Variants in DOK5 observed in about 807,000 individuals in gnomAD.
DOK5 encodes the protein downstream of tyrosine kinase 5.
DOK5 carries 27 observed loss-of-function variants against 43.3 expected under a neutral mutation model. The observed-to-expected ratio is 0.62, with a 90% CI of 0.46 to 0.86. DOK5 has a LOEUF of 0.86. Ranked by LOEUF, DOK5 falls within the 40% of genes least tolerant of loss-of-function variation. The pLI is 0.00. For missense variants in DOK5, 373 were observed against 392.9 expected, an observed-to-expected ratio of 0.95 and a Z score of 0.43; for synonymous variants, 146 against 140.1, an observed-to-expected ratio of 1.04 and a Z score of -0.30.
chr20:54,510,943 T>C (rs925771109), intron 1 of DOK5, among the ~76,000 whole-genome samples: 1 of 152,050 alleles, frequency 6.6e-6, no homozygotes, highest in Non-Finnish European at 1.5e-5. Context: ...CAACACAGAG[T>C]AGCATTTGCA....
intron 1 of DOK5, among the ~76,000 whole-genome samples, chr20:54,498,080 T>A (rs947465887): frequency 6.6e-6 from 1 of 152,324 alleles, no homozygotes. Flanking sequence ...ATTTTTCTCT[T>A]ATGTATCTTT....
At chr20:54,520,860 C>T (rs1983368439) in intron 1 of DOK5, among the ~76,000 whole-genome samples, 1 of 138,230 alleles carries the variant, frequency 7.2e-6, no homozygotes, top group Non-Finnish European at 1.7e-5. Flanking sequence ...CAGAGTCCTT[C>T]ATGGCCTCTG....
intron 2 of DOK5, among the ~76,000 whole-genome samples, chr20:54,575,823 A>C (rs553273682): frequency 1.5e-3 from 221 of 152,362 alleles, no homozygotes; most frequent in African/African-American, 5.1e-3. Flanking sequence ...CACGTGTGTG[A>C]ACATGCACAT....
intron 5 of DOK5, among the ~76,000 whole-genome samples, chr20:54,607,224 T>G (rs2870331): frequency 0.39 from 59,138 of 152,070 alleles, 15,606 homozygotes; most frequent in African/African-American, 0.75. Context: ...CCACATAGAC[T>G]CCTGTCTAGG....
At chr20:54,565,261 T>C (rs1375635135) in intron 2 of DOK5, among the ~76,000 whole-genome samples, 1 of 152,112 alleles carries the variant, frequency 6.6e-6, no homozygotes, top group Non-Finnish European at 1.5e-5. Flanking sequence ...CAATAAGAGA[T>C]TGACAATAAC....
chr20:54,537,162 T>C (rs1367243392), intron 1 of DOK5, among the ~76,000 whole-genome samples: 1 of 152,152 alleles, frequency 6.6e-6, no homozygotes, highest in Non-Finnish European at 1.5e-5. Context: ...CCGTCAAGTA[T>C]CAAGTATGAT....
At chr20:54,567,983 C>T (rs528240100) in intron 2 of DOK5, among the ~76,000 whole-genome samples, 1 of 152,102 alleles carries the variant, frequency 6.6e-6, no homozygotes, top group East Asian at 1.9e-4. Context: ...ATAAGCCAGT[C>T]ATTTTTGGCC....
chr20:54,531,667 A>G (rs150843249), intron 1 of DOK5, among the ~76,000 whole-genome samples: 1 of 152,350 alleles, frequency 6.6e-6, no homozygotes, highest in East Asian at 1.9e-4. Context: ...TATCCTTTGA[A>G]AAAGCAATCC....
At chr20:54,482,242 A>C (rs545519073) in intron 1 of DOK5, among the ~76,000 whole-genome samples, 1 of 152,284 alleles carries the variant, frequency 6.6e-6, no homozygotes, top group Admixed American at 6.5e-5. Context: ...TATTTTTGTT[A>C]ACTTGGGGAC....
chr20:54,478,103 T>C (rs540988015), intron 1 of DOK5, among the ~76,000 whole-genome samples: 1 of 152,364 alleles, frequency 6.6e-6, no homozygotes, highest in South Asian at 2.1e-4. Flanking sequence ...ATTATGGTTA[T>C]TGCTCATGGA....
At chr20:54,587,978 G>A (rs897585851) in intron 2 of DOK5, among the ~76,000 whole-genome samples, 8 of 152,180 alleles carry the variant, frequency 5.3e-5, no homozygotes, top group African/African-American at 1.9e-4. Context: ...GACTGGTAAA[G>A]AGTGAAATAA....
At chr20:54,640,352 A>G (rs1270909318) in intron 6 of DOK5, among the ~76,000 whole-genome samples, 2 of 152,224 alleles carry the variant, frequency 1.3e-5, no homozygotes, top group East Asian at 3.8e-4. Flanking sequence ...GCGGTACATC[A>G]GTGCCACTTG....
intron 7 of DOK5, 80 bp from the exon 8 acceptor site, chr20:54,650,335 T>C: frequency 5.8e-6 from 8 of 1,391,174 alleles, no homozygotes; most frequent in South Asian, 1.2e-5. Context: ...ATTTCTGTTA[T>C]AGAGAAAGTT....
At chr20:54,583,858 C>T (rs918147946) in intron 2 of DOK5, among the ~76,000 whole-genome samples, 2 of 151,854 alleles carry the variant, frequency 1.3e-5, no homozygotes, top group Non-Finnish European at 1.5e-5. Context: ...TTTAAGCTAT[C>T]TCCATTTAAA....
chr20:54,478,310 T>C (rs1017359685), intron 1 of DOK5, among the ~76,000 whole-genome samples: 2 of 152,214 alleles, frequency 1.3e-5, no homozygotes, highest in Non-Finnish European at 2.9e-5. Flanking sequence ...GGAATTGGCA[T>C]GGGGACCCTA....
chr20:54,611,282 C>T (rs528539086), intron 6 of DOK5, among the ~76,000 whole-genome samples: 4 of 152,106 alleles, frequency 2.6e-5, no homozygotes, highest in Non-Finnish European at 5.9e-5. Flanking sequence ...TTCATGAGGC[C>T]AGGTGCGGTG....
At chr20:54,646,984 T>C (rs1979462472) in intron 7 of DOK5, among the ~76,000 whole-genome samples, 2 of 151,514 alleles carry the variant, frequency 1.3e-5, no homozygotes, top group African/African-American at 2.4e-5. Context: ...TTGAGAATAA[T>C]GGTCATTTTC....
chr20:54,496,338 C>T (rs780937720), intron 1 of DOK5, among the ~76,000 whole-genome samples: 1 of 152,144 alleles, frequency 6.6e-6, no homozygotes, highest in Admixed American at 6.5e-5. Flanking sequence ...GAAAGACTAA[C>T]AGGAAGAATA....
intron 6 of DOK5, among the ~76,000 whole-genome samples, chr20:54,628,367 C>T (rs1277567520): frequency 1.9e-4 from 26 of 133,778 alleles, no homozygotes; most frequent in Non-Finnish European, 3.4e-4. Context: ...CGAGATCGCG[C>T]CACTGCACTC....
Sources: allele counts gnomAD v4.1 joint callset (sites outside exome capture counted in the v4.1 genomes callset), GRCh38; gene constraint gnomAD v4.1.1; transcripts MANE v1.5; gene names NCBI Gene and HGNC (gene_info 2026-07-23, HGNC 2026-07-21).